FSTL4: variants seen among roughly 807,000 people sequenced by gnomAD.
The protein encoded by FSTL4 is follistatin like 4.
FSTL4 carries 28 observed loss-of-function variants against 78.2 expected under a neutral mutation model. The observed-to-expected ratio is 0.36, with a 90% CI of 0.27 to 0.49. FSTL4 has a LOEUF of 0.49. Among genes scored for constraint, FSTL4 ranks in the 20% least tolerant of loss-of-function variants. FSTL4 has a pLI of 0.98. For synonymous variants in FSTL4, 422 were observed against 440.5 expected (o/e 0.96, Z 0.53); for missense variants, 922 against 1,084.9 (o/e 0.85, Z 2.11).
intron 2 of FSTL4, among the ~76,000 whole-genome samples, chr5:133,570,151 G>C (rs891956377): frequency 7.9e-5 from 12 of 151,558 alleles, no homozygotes; most frequent in Non-Finnish European, 1.3e-4. Flanking sequence ...GGAGCTTGCA[G>C]TGAGCCGAGA....
chr5:133,201,720 T>C (rs996746453), intron 15 of FSTL4, among the ~76,000 whole-genome samples: 1 of 152,196 alleles, frequency 6.6e-6, no homozygotes, highest in Non-Finnish European at 1.5e-5. Context: ...GCTGGGTGCC[T>C]TCAGTATAAT....
At chr5:133,260,619 C>T (rs1162327640) in intron 6 of FSTL4, among the ~76,000 whole-genome samples, 1 of 152,212 alleles carries the variant, frequency 6.6e-6, no homozygotes, top group Non-Finnish European at 1.5e-5. Context: ...GGGACCTCCG[C>T]CCTCCACCTC....
chr5:133,370,451 TG>T (rs1755269810), intron 4 of FSTL4, among the ~76,000 whole-genome samples: 1 of 151,920 alleles, frequency 6.6e-6, no homozygotes, highest in African/African-American at 2.4e-5. Flanking sequence ...TAGCCATGGC[TG>T]GGCAGGAAGC....
chr5:133,600,630 C>T (rs966200468), intron 2 of FSTL4, among the ~76,000 whole-genome samples: 10 of 152,214 alleles, frequency 6.6e-5, no homozygotes, highest in Admixed American at 2.0e-4. Context: ...AGTCTTTGTA[C>T]ATAAAACAAT....
intron 3 of FSTL4, among the ~76,000 whole-genome samples, chr5:133,448,403 T>C (rs1757309838): frequency 6.6e-6 from 1 of 152,070 alleles, no homozygotes; most frequent in Admixed American, 6.6e-5. Context: ...CAGCCCAGAG[T>C]GCAGGTGTGT....
Position 133,372,269 on chromosome 5 carries a change from G to GTATGTATGTATGTATC in FSTL4, c.409+28468_409+28469insGATACATACATACATA, listed in dbSNP as rs143392836. On this transcript the variant is annotated intron_variant, in intron 4 of 15. Transcript: ENST00000265342. Reference sequence around the variant, plus strand: ...TCTATGTATGTATGTATGTATGTATGTATCTATCTATCTATCTATTTTTTA... The same window carrying GTATGTATGTATGTATC: ...TCTATGTATGTATGTATGTATGTATGTATGTATGTATGTATCTATCTATCTATCTATCTATTTTTTA... 4.0e-3 allele frequency among the ~76,000 whole-genome samples: 579 copies of GTATGTATGTATGTATC among 143,014 alleles called. 2 individuals are homozygous for GTATGTATGTATGTATC. The highest frequency in any genetic ancestry group is 0.022 in the East Asian group (101 of 4,648). The allele number at this position is 143,014 out of a possible 152,430, so 93.8% of individuals were successfully genotyped here. A position where few individuals can be genotyped will look rare whatever the true frequency, so the allele number is the denominator to read the frequency against.
intron 4 of FSTL4, chr5:133,334,116 G>A (rs1754411379): frequency 6.6e-6 from 1 of 152,262 alleles, no homozygotes; most frequent in Non-Finnish European, 1.5e-5. Context: ...TGGGCGTAGA[G>A]TCTAGAAATG....
At chr5:133,458,740 T>C (rs1050409018) in intron 3 of FSTL4, among the ~76,000 whole-genome samples, 3 of 152,218 alleles carry the variant, frequency 2.0e-5, no homozygotes, top group African/African-American at 7.2e-5. Flanking sequence ...CTGGCATCAC[T>C]GTTGTCTGTG....
At position 133,400,509 on chromosome 5, in the gene FSTL4, T is replaced by C. The variant is rs531079692; in HGVS notation, c.409+229A>G. ...CAGCCAGGTTTTAATTTGACCTGCC[T>C]GGATTCTACTCCCCAAGGAGCTTCC... is the stretch of plus-strand genomic sequence containing the variant. On this transcript the variant is annotated intron_variant, in intron 4 of 15. Coordinates refer to ENST00000265342, the MANE Select transcript of FSTL4 (RefSeq NM_015082.2). 3.3e-5 allele frequency among the ~76,000 whole-genome samples: 5 copies of C among 152,370 alleles called. No homozygotes were observed. In the South Asian group the frequency reaches 1.0e-3, roughly 32 times the overall value.
chr5:133,688,274 G>A, the FSTL4 span, among the ~76,000 whole-genome samples: 13 of 152,262 alleles, frequency 8.5e-5, no homozygotes, highest in Admixed American at 2.0e-4. Context: ...TTAGCCAGGC[G>A]TGGTGAAGTA....
chr5:133,545,840 A>G (rs1759563151), intron 3 of FSTL4, among the ~76,000 whole-genome samples: 1 of 152,212 alleles, frequency 6.6e-6, no homozygotes, highest in South Asian at 2.1e-4. Context: ...AACTTCTCAG[A>G]GATTATCTAA....
chr5:133,567,048 G>T, intron 3 of FSTL4, 138 bp downstream of exon 3: 1 of 702,232 alleles, frequency 1.4e-6, no homozygotes. Context: ...CAAGTGCTAA[G>T]CAGTCAGCAC....
intron 6 of FSTL4, among the ~76,000 whole-genome samples, chr5:133,290,544 G>C (rs1323867191): frequency 6.6e-6 from 1 of 152,218 alleles, no homozygotes; most frequent in East Asian, 1.9e-4. Flanking sequence ...CCAGGGAGTT[G>C]TACTTTCCAC....
Position 133,338,248 on chromosome 5 carries a change from C to T in FSTL4, c.410-21596G>A, listed in dbSNP as rs890862097. ...GGGTGTGTGCCCCTATTCCTGTCTG[C>T]TCCATGCTTAGAGGCCCTGGTGGGG... is the stretch of plus-strand genomic sequence containing the variant. On this transcript the variant is annotated intron_variant, in intron 4 of 15. Transcript: ENST00000265342. This position sits in a 1 kb window ranked among gnomAD's most constrained non-coding sequence, Gnocchi z 4.0. Among the ~76,000 whole-genome samples, 2 of 152,146 alleles carry T rather than the reference C, an allele frequency of 1.3e-5. No individual in the cohort carries two copies. The highest frequency in any genetic ancestry group is 2.4e-5 in the African/African-American group (1 of 41,426).
At chr5:133,208,042 C>T (rs936295393) in intron 14 of FSTL4, 10 of 152,166 alleles carry the variant, frequency 6.6e-5, no homozygotes, top group Non-Finnish European at 1.5e-4. Context: ...ATGTCCTCAC[C>T]TGGCACTTAT....
At chr5:133,211,877 T>C (rs1750738131) in intron 13 of FSTL4, among the ~76,000 whole-genome samples, 1 of 152,208 alleles carries the variant, frequency 6.6e-6, no homozygotes, top group Non-Finnish European at 1.5e-5. Flanking sequence ...GTATAGAGAA[T>C]TGAACTCTTG....
intron 6 of FSTL4, among the ~76,000 whole-genome samples, chr5:133,297,600 A>G (rs1036160216): frequency 1.3e-5 from 2 of 152,212 alleles, no homozygotes; most frequent in Non-Finnish European, 2.9e-5. Context: ...CACTCAGTCA[A>G]TGTTATTAGT....
At chr5:133,423,770 T>G (rs780093719) in intron 3 of FSTL4, among the ~76,000 whole-genome samples, 2 of 152,058 alleles carry the variant, frequency 1.3e-5, no homozygotes, top group Non-Finnish European at 2.9e-5. Context: ...TACAGACAAA[T>G]GACTCATGAC....
intron 3 of FSTL4, among the ~76,000 whole-genome samples, chr5:133,443,181 G>A (rs529817510): frequency 1.3e-5 from 2 of 152,360 alleles, no homozygotes; most frequent in Non-Finnish European, 2.9e-5. Context: ...AACATGGGTG[G>A]TGGAGTCTAA....
Sources: allele counts gnomAD v4.1 joint callset (sites outside exome capture counted in the v4.1 genomes callset), GRCh38; gene constraint gnomAD v4.1.1; non-coding constraint Gnocchi (gnomAD v3.1); transcripts MANE v1.5; gene names NCBI Gene and HGNC (gene_info 2026-07-23, HGNC 2026-07-21).